The following LRP1B variants were observed in gnomAD, a reference collection of about 807,000 sequenced individuals.
LRP1B encodes low-density lipoprotein receptor-related protein 1B.
Under a neutral mutation model 556.6 loss-of-function variants are expected in LRP1B, and 217 were observed. The observed-to-expected ratio is 0.39, with a 90% CI of 0.35 to 0.44. The LOEUF is 0.44. Ranked by LOEUF, LRP1B falls within the 20% of genes least tolerant of loss-of-function variation. The pLI, the probability that LRP1B is intolerant of heterozygous loss-of-function variation, is 1.00. For synonymous variants in LRP1B, 2,047 were observed against 1,865.8 expected (o/e 1.10, Z -2.50); for missense variants, 5,053 against 5,620.8 (o/e 0.90, Z 3.23).
chr2:140,566,654 T>A (rs1574086586), intron 43 of LRP1B, among the ~76,000 whole-genome samples: 2 of 152,128 alleles, frequency 1.3e-5, no homozygotes, highest in Admixed American at 1.3e-4. Context: ...CCTCCCAGTT[T>A]TGGCTGCACT....
At chr2:140,715,443 T>G (rs1687175178) in intron 37 of LRP1B, among the ~76,000 whole-genome samples, 1 of 152,082 alleles carries the variant, frequency 6.6e-6, no homozygotes, top group African/African-American at 2.4e-5. Context: ...CAGTTTTATA[T>G]ATATACATTT....
chr2:140,973,178 G>T (rs1696488234), intron 18 of LRP1B, among the ~76,000 whole-genome samples: 1 of 150,616 alleles, frequency 6.6e-6, no homozygotes, highest in East Asian at 2.0e-4. Context: ...AGCAAATTAG[G>T]TAGAAGAGTA....
At chr2:141,504,412 G>A (rs958193506) in intron 2 of LRP1B, among the ~76,000 whole-genome samples, 9 of 152,094 alleles carry the variant, frequency 5.9e-5, no homozygotes, top group African/African-American at 1.9e-4. Context: ...AGCAGAGGAT[G>A]AGAGAAATGA....
At chr2:141,246,684 G>T (rs977985438) in intron 5 of LRP1B, among the ~76,000 whole-genome samples, 1 of 152,180 alleles carries the variant, frequency 6.6e-6, no homozygotes, top group Non-Finnish European at 1.5e-5. Flanking sequence ...CCTGCAATAG[G>T]CTGGGCACTG....
intron 43 of LRP1B, among the ~76,000 whole-genome samples, chr2:140,574,460 C>G (rs535462589): frequency 2.7e-4 from 41 of 152,080 alleles, no homozygotes; most frequent in African/African-American, 9.6e-4. Context: ...TCCATTTGCT[C>G]AGGGAAAAAA....
chr2:141,270,110 T>A (rs752264064), intron 3 of LRP1B, among the ~76,000 whole-genome samples: 7 of 152,044 alleles, frequency 4.6e-5, no homozygotes, highest in Non-Finnish European at 7.4e-5. Context: ...AAAGAGCACC[T>A]AGTTTAAAAA....
intron 1 of LRP1B, among the ~76,000 whole-genome samples, chr2:142,129,588 C>CTCTCTT (rs1553520279): frequency 8.5e-4 from 2 of 2,340 alleles, no homozygotes; most frequent in Non-Finnish European, 1.3e-3. Context: ...CTCTCTTTCT[C>CTCTCTT]TCTCTCTCTC....
At chr2:141,656,099 A>G (rs1209360039) in intron 2 of LRP1B, among the ~76,000 whole-genome samples, 2 of 152,020 alleles carry the variant, frequency 1.3e-5, no homozygotes, top group Non-Finnish European at 2.9e-5. Flanking sequence ...GTGACTTGCT[A>G]AAGTCGCATT....
chr2:141,045,996 C>T (rs80101136), intron 11 of LRP1B, among the ~76,000 whole-genome samples: 1,586 of 152,110 alleles, frequency 0.01, 20 homozygotes, highest in Non-Finnish European at 0.015. Flanking sequence ...GATTTGATTG[C>T]TGTTTTCACC....
chr2:142,113,829 G>A (rs572924737), intron 1 of LRP1B, among the ~76,000 whole-genome samples: 2 of 152,148 alleles, frequency 1.3e-5, no homozygotes, highest in Admixed American at 6.6e-5. Flanking sequence ...CTCTTATTGT[G>A]CTAACTCAAC....
chr2:141,148,470 G>C (rs1017687669), intron 7 of LRP1B, among the ~76,000 whole-genome samples: 1 of 152,152 alleles, frequency 6.6e-6, no homozygotes, highest in African/African-American at 2.4e-5. Context: ...GCCACGTGGA[G>C]AGAATATATA....
intron 3 of LRP1B, among the ~76,000 whole-genome samples, chr2:141,410,381 C>G (rs944998740): frequency 6.6e-6 from 1 of 151,976 alleles, no homozygotes; most frequent in South Asian, 2.1e-4. Context: ...CTGTGGTTCT[C>G]TCATACAAGG....
At chr2:140,734,377 G>T (rs929596072) in intron 35 of LRP1B, among the ~76,000 whole-genome samples, 1 of 152,216 alleles carries the variant, frequency 6.6e-6, no homozygotes, top group Non-Finnish European at 1.5e-5. Context: ...CTGTTCATTA[G>T]AATATGAGGA....
chr2:140,876,302 C>T (rs527875091), intron 25 of LRP1B, among the ~76,000 whole-genome samples: 1 of 152,236 alleles, frequency 6.6e-6, no homozygotes, highest in African/African-American at 2.4e-5. Context: ...GTATATACTC[C>T]TATGAACACA....
intron 52 of LRP1B, among the ~76,000 whole-genome samples, chr2:140,508,171 C>T (rs1689499271): frequency 6.6e-6 from 1 of 152,078 alleles, no homozygotes; most frequent in African/African-American, 2.4e-5. Flanking sequence ...TTCCCAATTC[C>T]ATGTCTTAAT....
At chr2:140,841,884 A>G (rs1463869362) in intron 29 of LRP1B, among the ~76,000 whole-genome samples, 2 of 151,486 alleles carry the variant, frequency 1.3e-5, no homozygotes, top group African/African-American at 4.8e-5. Context: ...AAATATTAAC[A>G]TATAAAGTAG....
intron 2 of LRP1B, among the ~76,000 whole-genome samples, chr2:141,786,979 C>T (rs1695449574): frequency 6.6e-6 from 1 of 151,750 alleles, no homozygotes; most frequent in Admixed American, 6.6e-5. Flanking sequence ...CCAATATTTC[C>T]AGTATCAACA....
chr2:140,731,071 C>A (rs991335645), intron 35 of LRP1B, among the ~76,000 whole-genome samples: 3 of 152,192 alleles, frequency 2.0e-5, no homozygotes, highest in Non-Finnish European at 4.4e-5. Flanking sequence ...GCCATTTCCT[C>A]TGCATTTCCT....
intron 18 of LRP1B, among the ~76,000 whole-genome samples, chr2:140,968,835 C>T (rs968314070): frequency 3.9e-4 from 60 of 152,236 alleles, no homozygotes; most frequent in African/African-American, 1.1e-3. Flanking sequence ...TGTAGTTGAG[C>T]GGTTTTGAGT....
Sources: gnomAD v4.1 joint callset for allele counts (sites outside exome capture counted in the v4.1 genomes callset) on GRCh38, gnomAD v4.1.1 for gene constraint, MANE v1.5 for transcripts, NCBI Gene and HGNC (gene_info 2026-07-23, HGNC 2026-07-21) for gene names.